The following CBLB variants were observed in gnomAD, a reference collection of about 807,000 sequenced individuals.
The protein encoded by CBLB is E3 ubiquitin-protein ligase CBL-B.
In CBLB, 31 loss-of-function variants were observed where a neutral mutation model predicts 104.9. The ratio of observed to expected loss-of-function variants is 0.30; its 90% CI spans 0.22 to 0.40. The LOEUF is 0.40. CBLB is among the 10% of genes least tolerant of loss of function. The pLI is 1.00. For synonymous variants in CBLB, 440 were observed against 422.6 expected (o/e 1.04, Z -0.51); for missense variants, 1,062 against 1,214.6 (o/e 0.87, Z 1.87).
At chr3:105,831,963 A>C (rs1169275758) in intron 3 of CBLB, among the ~76,000 whole-genome samples, 2 of 152,228 alleles carry the variant, frequency 1.3e-5, no homozygotes, top group African/African-American at 2.4e-5. Context: ...TGAACAGTTA[A>C]GAAAAGAAGG....
chr3:105,710,071 A>T (rs1208716349), intron 10 of CBLB, among the ~76,000 whole-genome samples: 1 of 151,818 alleles, frequency 6.6e-6, no homozygotes, highest in East Asian at 1.9e-4. Context: ...CATATCCACT[A>T]ATTTCCTCTT....
intron 4 of CBLB, among the ~76,000 whole-genome samples, chr3:105,773,440 G>A (rs942973734): frequency 6.6e-6 from 1 of 152,168 alleles, no homozygotes; most frequent in African/African-American, 2.4e-5. Context: ...ATTAGGTACA[G>A]TGTGCACTGC....
intron 9 of CBLB, among the ~76,000 whole-genome samples, chr3:105,720,775 TA>T (rs1287490829): frequency 1.3e-5 from 2 of 152,188 alleles, no homozygotes. Context: ...TAGGAAAAAT[TA>T]AAATGTGTAC....
chr3:105,840,657 A>C (rs1431915476), intron 3 of CBLB, among the ~76,000 whole-genome samples: 2 of 152,226 alleles, frequency 1.3e-5, no homozygotes, highest in Non-Finnish European at 2.9e-5. Context: ...GTGTCAAGTC[A>C]TGTAACCTCC....
intron 18 of CBLB, among the ~76,000 whole-genome samples, chr3:105,666,007 C>G (rs1334873624): frequency 1.3e-5 from 2 of 148,650 alleles, no homozygotes; most frequent in Non-Finnish European, 3.0e-5. Flanking sequence ...GCCTGGGCAA[C>G]AGAGTGAGAC....
In CBLB at chr3:105,737,195, A is replaced by C; in HGVS notation, c.1047T>G (p.Pro349=). ...CCTGTGTAACTTTTATATGGTCATGAGGTGTAGGTTCACATAATCCAGTTA... is the reference window on the plus strand; with the variant it reads ...CCTGTGTAACTTTTATATGGTCATGCGGTGTAGGTTCACATAATCCAGTTA... ...PDLTGLCEPT[P]HDHIKVTQEQ... Residue 349 remains proline, a synonymous_variant, in exon 8 of 19, where the codon CCT becomes CCG. Transcript: ENST00000394030. 1 of 1,585,800 alleles carries C rather than the reference A, an allele frequency of 6.3e-7. No individual in the cohort carries two copies. Among genetic ancestry groups the C allele is most frequent in the Middle Eastern group, 1.7e-4 (1 of 5,980 alleles).
chr3:105,867,482 T>C lies in CBLB; in HGVS notation c.96A>G (p.Ala32=), dbSNP rs2092492087. The C allele has an allele frequency of 1.2e-6, 2 of 1,614,184 alleles. No homozygotes were observed. Among genetic ancestry groups the C allele is most frequent in the Non-Finnish European group, 1.7e-6 (2 of 1,180,000 alleles). The change falls in exon 2 of 19, where the codon GCA becomes GCG. Residue 32 remains alanine (A), a synonymous_variant. Transcript: ENST00000394030. The part of the protein sequence containing the change: ...ILGIIDAIQD[A]VGPPKQAAAD... ...CGGCAGCTTGCTTAGGGGGTCCAAC[T>C]GCATCCTGAATAGCATCAATAATAC...
chr3:105,776,685 A>G, intron 3 of CBLB, 143 bp from the exon 4 acceptor site: 4 of 721,370 alleles, frequency 5.5e-6, no homozygotes, highest in Admixed American at 2.7e-5. Context: ...ACCTCAACTT[A>G]ATGCTGCCCT....
chr3:105,791,672 T>C (rs543396812), intron 3 of CBLB, among the ~76,000 whole-genome samples: 2 of 152,326 alleles, frequency 1.3e-5, no homozygotes, highest in South Asian at 4.1e-4. Context: ...CATTAAGTTT[T>C]ATGGAGCAAG....
intron 3 of CBLB, among the ~76,000 whole-genome samples, chr3:105,798,377 A>T (rs1560288766): frequency 6.6e-6 from 1 of 152,222 alleles, no homozygotes; most frequent in Non-Finnish European, 1.5e-5. Context: ...TTCTCTTTGA[A>T]ATAAGACAGA....
intron 9 of CBLB, among the ~76,000 whole-genome samples, chr3:105,728,594 GT>G (rs2073955846): frequency 6.6e-6 from 1 of 152,082 alleles, no homozygotes; most frequent in African/African-American, 2.4e-5. Context: ...GAAGATAAAC[GT>G]TTTGTTAATG....
intron 4 of CBLB, among the ~76,000 whole-genome samples, chr3:105,753,441 G>C (rs148628776): frequency 5.7e-4 from 87 of 152,024 alleles, no homozygotes; most frequent in African/African-American, 1.8e-3. Context: ...GTATAAATAT[G>C]CAATTATGTC....
At chr3:105,711,993 T>C (rs1250753632) in intron 10 of CBLB, among the ~76,000 whole-genome samples, 1 of 152,116 alleles carries the variant, frequency 6.6e-6, no homozygotes, top group Non-Finnish European at 1.5e-5. Context: ...AAGTGGTCAA[T>C]AAAGTTGCCG....
At chr3:105,814,508 C>T (rs72997629) in intron 3 of CBLB, among the ~76,000 whole-genome samples, 16,393 of 152,034 alleles carry the variant, frequency 0.11, 1,026 homozygotes, top group African/African-American at 0.16. Context: ...AGGAAAATAG[C>T]GTACATGTAC....
At position 105,661,803 on chromosome 3, in the gene CBLB, G is replaced by C. The variant is rs73854354; in HGVS notation, c.2690-2574C>G. ...TTCTCCAAATCTACTTTATATATCT[G>C]TGTTTAGAGGTATTATTTATCCCTT... On this transcript the variant is annotated intron_variant, in intron 18 of 18. Transcript: ENST00000394030. 4.0e-3 allele frequency among the ~76,000 whole-genome samples: 616 copies of C among 152,198 alleles called. 4 individuals carry two copies. The highest frequency in any genetic ancestry group is 0.014 in the African/African-American group (583 of 41,524).
In CBLB at chr3:105,845,150, G is replaced by C. The variant is rs1371509258; in HGVS notation, c.419+8264C>G. Among the ~76,000 whole-genome samples, 4 of 152,048 alleles carry C rather than the reference G, an allele frequency of 2.6e-5. No individual in the cohort carries two copies. In the East Asian group the frequency reaches 7.7e-4, roughly 29 times the overall value. On this transcript the variant is annotated intron_variant, in intron 3 of 18. Transcript: ENST00000394030. Reference sequence around the variant, plus strand: ...TTCCACTGCAAAGCCAAGTTCACTTGAGTCTTGTGAGTTTGCTTAATATAT... The same window carrying C: ...TTCCACTGCAAAGCCAAGTTCACTTCAGTCTTGTGAGTTTGCTTAATATAT...
rs746956387 is a variant in CBLB, at chr3:105,776,487, C to T, written c.475G>A (p.Ala159Thr). 31 of 1,613,740 alleles carry T rather than the reference C, an allele frequency of 1.9e-5. No individual in the cohort carries two copies. The highest frequency in any genetic ancestry group is 2.6e-5 in the Non-Finnish European group (31 of 1,179,840). ...IFSHMLAEIK[A>T]IFPNGQFQGD... ...TGGAATTGACCATTGGGAAAGATTGCTTTGATTTCTGCCAGCATGTGACTG... is the reference window on the plus strand; with the variant it reads ...TGGAATTGACCATTGGGAAAGATTGTTTTGATTTCTGCCAGCATGTGACTG... The change falls in exon 4 of 19, where the codon GCA (alanine) becomes ACA (threonine). Residue 159 changes from alanine to threonine, a missense_variant. Ala to Thr is a moderately conservative substitution (Grantham distance 58, BLOSUM62 0). Transcript: ENST00000394030.
At chr3:105,693,389 A>T (rs1461541925) in intron 13 of CBLB, 105 bp downstream of exon 13, 1 of 731,836 alleles carries the variant, frequency 1.4e-6, no homozygotes, top group African/African-American at 1.7e-5. Context: ...TTTACTATCA[A>T]TGACTTTCTA....
chr3:105,779,688 A>AAT (rs1034021755), intron 3 of CBLB, among the ~76,000 whole-genome samples: 16 of 152,084 alleles, frequency 1.1e-4, no homozygotes, highest in African/African-American at 3.6e-4. Flanking sequence ...AAGGAAAAAA[A>AAT]AAAGAGAAAG....
Sources: allele counts gnomAD v4.1 joint callset (sites outside exome capture counted in the v4.1 genomes callset), GRCh38; gene constraint gnomAD v4.1.1; transcripts MANE v1.5; gene names NCBI Gene and HGNC (gene_info 2026-07-23, HGNC 2026-07-21).